HPS4: variants seen among roughly 807,000 people sequenced by gnomAD.
The protein encoded by HPS4 is HPS4 biogenesis of lysosomal organelles complex 3 subunit 2.
Under a neutral mutation model 70.3 loss-of-function variants are expected in HPS4, and 44 were observed. The observed-to-expected ratio is 0.63, with a 90% CI of 0.49 to 0.80. HPS4 has a LOEUF of 0.80. HPS4 is among the 30% of genes least tolerant of loss of function. The probability of loss-of-function intolerance (pLI) is 0.00; values close to 1 mark genes in which losing one functional copy is unlikely to be tolerated. For synonymous variants in HPS4, 377 were observed against 355.9 expected, an observed-to-expected ratio of 1.06 and a Z score of -0.67; for missense variants, 873 against 884.4, an observed-to-expected ratio of 0.99 and a Z score of 0.16.
At chr22:26,467,802 A>T (rs2088955635) in intron 8 of HPS4, 1 of 152,310 alleles carries the variant, frequency 6.6e-6, no homozygotes, top group Non-Finnish European at 1.5e-5. Flanking sequence ...GGGCAATTTT[A>T]TTCTCAATGA....
chr22:26,477,208 C>T, intron 3 of HPS4, 72 bp from the exon 4 acceptor site: 1 of 1,538,362 alleles, frequency 6.5e-7, no homozygotes, highest in East Asian at 2.2e-5. Context: ...TTACAGCATA[C>T]TAAAGCCTGC....
intron 8 of HPS4, chr22:26,467,901 A>G (rs969259088): frequency 6.6e-6 from 1 of 151,968 alleles, no homozygotes; most frequent in Non-Finnish European, 1.5e-5. Context: ...TTATTTTTTT[A>G]TTTTTATTTT....
Position 26,477,001 on chromosome 22 carries a change from A to T in HPS4, c.268T>A (p.Tyr90Asn), listed in dbSNP as rs760440998. Reference sequence around the variant, plus strand: ...TCTGCCATTCAACTTACCCAAAGGTAATCTCCATCAACTTTTATGGCAAAC... The same window carrying T: ...TCTGCCATTCAACTTACCCAAAGGTTATCTCCATCAACTTTTATGGCAAAC... ...LKFAIKVDGD[Y>N]LWVLGCAVEL... Residue 90 changes from tyrosine to asparagine, a missense_variant, in exon 4 of 14, where the codon TAC (tyrosine) becomes AAC (asparagine). By Grantham distance (143) the Tyr-to-Asn change is moderately radical (BLOSUM62 -2). Transcript: ENST00000398145. The T allele has an allele frequency of 6.2e-7, 1 of 1,614,164 alleles. No individual in the cohort carries two copies. The highest frequency in any genetic ancestry group is 8.5e-7 in the Non-Finnish European group (1 of 1,179,984).
chr22:26,445,313 G>A (rs872903), intron 3 of HPS4, among the ~76,000 whole-genome samples: 53,856 of 151,844 alleles, frequency 0.35, 9,901 homozygotes, highest in South Asian at 0.46. Context: ...CAGCCAAGAC[G>A]ACAGAACAAG....
chr22:26,449,265 C>G (rs1385050266), downstream of HPS4, among the ~76,000 whole-genome samples: 1 of 151,902 alleles, frequency 6.6e-6, no homozygotes, highest in African/African-American at 2.4e-5. Context: ...CCCAGCTTAT[C>G]CCCTACTCAG....
intron 2 of HPS4, chr22:26,479,690 G>A (rs2091063475): frequency 1.8e-6 from 2 of 1,137,446 alleles, no homozygotes; most frequent in Non-Finnish European, 2.2e-6. Context: ...CTGATACGCT[G>A]TCTTTTAAGG....
Position 26,452,329 on chromosome 22 carries a change from G to C in HPS4, c.*904C>G. The C allele has an allele frequency of 2.2e-6, 1 of 456,628 alleles. No homozygotes were observed. Among genetic ancestry groups the C allele is most frequent in the Non-Finnish European group, 4.4e-6 (1 of 226,972 alleles). The allele number at this position is 456,628 out of a possible 1,614,324, so 28.3% of individuals were successfully genotyped here. A position where few individuals can be genotyped will look rare whatever the true frequency, so the allele number is the denominator to read the frequency against. On this transcript the variant is annotated 3_prime_UTR_variant, in exon 14 of 14. Transcript: ENST00000398145. Reference sequence around the variant, plus strand: ...AAAAATGTCTGACTATAACGTAATAGAACTGAGGTTCTAAGTACCACACAA... The same window carrying C: ...AAAAATGTCTGACTATAACGTAATACAACTGAGGTTCTAAGTACCACACAA...
intron 13 of HPS4, 138 bp downstream of exon 13, chr22:26,457,721 C>A: frequency 1.4e-6 from 1 of 713,174 alleles, no homozygotes. Flanking sequence ...CAATAGGAAC[C>A]GACAAAGGAA....
chr22:26,453,286 G>C lies in HPS4; in HGVS notation c.2074C>G (p.Leu692Val), dbSNP rs1256390763. The change falls in exon 14 of 14, where the codon CTC becomes GTC. Residue 692 changes from leucine to valine, a missense_variant. By Grantham distance (32) the Leu-to-Val change is conservative. Coordinates refer to ENST00000398145, the MANE Select transcript of HPS4 (RefSeq NM_022081.6). ...AGCTTCTGCTTTGCTTTGCCGGAGA[G>C]GCTGAAGGCGCCATCCTGAGGGTTT... is the stretch of plus-strand genomic sequence containing the variant. ...FPNPQDGAFS[L>V]SGKAKQKLLK... 6.2e-7 allele frequency: 1 copy of C among 1,614,116 alleles called. No homozygotes were observed. Among genetic ancestry groups the C allele is most frequent in the East Asian group, 2.2e-5 (1 of 44,898 alleles).
chr22:26,455,416 G>A (rs1044975266), intron 13 of HPS4, among the ~76,000 whole-genome samples: 2 of 151,592 alleles, frequency 1.3e-5, no homozygotes, highest in Non-Finnish European at 2.9e-5. Flanking sequence ...AAAATGATGA[G>A]TTCATGTCCT....
rs2084927238 is a variant in HPS4, at chr22:26,445,570, G to A, written n.519-876C>T. 2.0e-5 allele frequency among the ~76,000 whole-genome samples: 3 copies of A among 152,208 alleles called. No individual in the cohort carries two copies. In the South Asian group the frequency reaches 6.2e-4, roughly 31 times the overall value. On this transcript the variant is annotated intron_variant and non_coding_transcript_variant, in intron 3 of 3. Coordinates refer to the HPS4 transcript ENST00000493455. ...AGGACCCTGGCTTCAGAAAAGCTGAGGATTTAGGACTCCGTGCCAGGAGTT... is the reference window on the plus strand; with the variant it reads ...AGGACCCTGGCTTCAGAAAAGCTGAAGATTTAGGACTCCGTGCCAGGAGTT...
chr22:26,471,344 C>T (rs1198172767), intron 6 of HPS4: 1 of 455,962 alleles, frequency 2.2e-6, no homozygotes, highest in Non-Finnish European at 4.4e-6. Flanking sequence ...GGGAAATATG[C>T]CTCAGTTCCA....
intron 6 of HPS4, chr22:26,471,165 G>C: frequency 2.5e-6 from 1 of 403,786 alleles, no homozygotes; most frequent in Non-Finnish European, 4.7e-6. Context: ...AGAAGAGGAG[G>C]GTGTATCCTA....
downstream of HPS4, among the ~76,000 whole-genome samples, chr22:26,446,619 AATG>A (rs1175270364): frequency 6.6e-6 from 1 of 152,170 alleles, no homozygotes; most frequent in East Asian, 1.9e-4. Flanking sequence ...GAGTAGCAAG[AATG>A]ATAAGGCCTT....
In HPS4 at chr22:26,481,773, G is replaced by C. The variant is rs774733114; in HGVS notation, c.-11C>G. The stretch of plus-strand genomic sequence containing the variant: ...GGTAGAGGTGGCCATCTACTGTGCA[G>C]TCATCCTCATTCTCTTCATTTAGGT... On this transcript the variant is annotated 5_prime_UTR_variant, in exon 2 of 14. Coordinates refer to ENST00000398145, the MANE Select transcript of HPS4 (RefSeq NM_022081.6). 6.2e-6 allele frequency: 10 copies of C among 1,613,652 alleles called. No individual in the cohort carries two copies. Among genetic ancestry groups the C allele is most frequent in the Non-Finnish European group, 8.5e-6 (10 of 1,179,652 alleles).
chr22:26,475,044 C>T (rs915943684), intron 4 of HPS4, among the ~76,000 whole-genome samples: 2 of 152,200 alleles, frequency 1.3e-5, no homozygotes, highest in African/African-American at 4.8e-5. Context: ...CCAACATACA[C>T]CTACTCTATG....
intron 2 of HPS4, chr22:26,479,573 T>C (rs2091044973): frequency 7.2e-7 from 1 of 1,383,062 alleles, no homozygotes; most frequent in East Asian, 2.7e-5. Context: ...TATCCAGCCG[T>C]TAGACCATCT....
intron 8 of HPS4, 199 bp downstream of exon 8, chr22:26,468,352 C>A: frequency 1.6e-6 from 1 of 621,020 alleles, no homozygotes; most frequent in Non-Finnish European, 2.9e-6. Context: ...CCAGGCCTAG[C>A]TCGTGGAAGA....
chr22:26,473,265 T>G (rs2090085496), intron 4 of HPS4, among the ~76,000 whole-genome samples: 1 of 152,194 alleles, frequency 6.6e-6, no homozygotes, highest in Non-Finnish European at 1.5e-5. Context: ...TGCTGACCTT[T>G]TTTCTGACCC....
Sources: gnomAD v4.1 joint callset for allele counts (sites outside exome capture counted in the v4.1 genomes callset) on GRCh38, gnomAD v4.1.1 for gene constraint, MANE v1.5 for transcripts, NCBI Gene and HGNC (gene_info 2026-07-23, HGNC 2026-07-21) for gene names.